PRKD1: variants seen among roughly 807,000 people sequenced by gnomAD.
PRKD1 encodes protein kinase D1.
Under a neutral mutation model 95.9 loss-of-function variants are expected in PRKD1, and 63 were observed. The observed-to-expected ratio is 0.66, with a 90% confidence interval of 0.54 to 0.81. The LOEUF is 0.81. PRKD1 is among the 30% of genes least tolerant of loss of function. The probability of loss-of-function intolerance (pLI) is 0.00; values close to 1 mark genes in which losing one functional copy is unlikely to be tolerated. For synonymous variants in PRKD1, 425 were observed against 423.1 expected, an observed-to-expected ratio of 1.00 and a Z score of -0.05; for missense variants, 1,048 against 1,165.3, an observed-to-expected ratio of 0.90 and a Z score of 1.47.
At chr14:29,810,002 T>TTG in intron 1 of PRKD1, among the ~76,000 whole-genome samples, 1 of 152,292 alleles carries the variant, frequency 6.6e-6, no homozygotes, top group South Asian at 2.1e-4. Context: ...AATTTCAATA[T>TTG]TGTTTATCAG....
At chr14:29,761,231 T>G (rs572675758) in intron 1 of PRKD1, among the ~76,000 whole-genome samples, 6 of 152,254 alleles carry the variant, frequency 3.9e-5, no homozygotes, top group Non-Finnish European at 8.8e-5. Context: ...GTTTAAATTT[T>G]GAACATTAGC....
At chr14:29,871,816 T>C (rs1019997276) in intron 1 of PRKD1, among the ~76,000 whole-genome samples, 40 of 152,294 alleles carry the variant, frequency 2.6e-4, no homozygotes, top group African/African-American at 9.1e-4. Context: ...TCACGTGTAT[T>C]AACCTACTTT....
chr14:29,857,254 G>A (rs1566639448), intron 1 of PRKD1, among the ~76,000 whole-genome samples: 1 of 152,118 alleles, frequency 6.6e-6, no homozygotes, highest in Non-Finnish European at 1.5e-5. Context: ...GCCAGAATAT[G>A]GGCCTCAGGA....
chr14:29,845,430 T>A, intron 1 of PRKD1, among the ~76,000 whole-genome samples: 1 of 152,166 alleles, frequency 6.6e-6, no homozygotes, highest in East Asian at 1.9e-4. Context: ...TTATAAAACA[T>A]ACTTTTAAAA....
chr14:29,817,196 G>A (rs1434980541), intron 1 of PRKD1, among the ~76,000 whole-genome samples: 2 of 152,098 alleles, frequency 1.3e-5, no homozygotes, highest in Non-Finnish European at 2.9e-5. Context: ...ACTACAGTGG[G>A]CTTCTGCCAA....
intron 4 of PRKD1, among the ~76,000 whole-genome samples, chr14:29,644,783 C>G (rs1881019896): frequency 6.6e-6 from 1 of 151,356 alleles, no homozygotes; most frequent in Non-Finnish European, 1.5e-5. Context: ...TATAAATAAA[C>G]TATACATTTT....
chr14:29,748,304 CTAAA>C (rs1411213099), intron 1 of PRKD1, among the ~76,000 whole-genome samples: 2 of 152,098 alleles, frequency 1.3e-5, no homozygotes, highest in South Asian at 4.1e-4. Context: ...ATATAAATAG[CTAAA>C]TAAATAAATT....
intron 13 of PRKD1, among the ~76,000 whole-genome samples, chr14:29,600,384 C>T (rs1174686916): frequency 1.3e-5 from 2 of 152,132 alleles, no homozygotes; most frequent in Non-Finnish European, 2.9e-5. Flanking sequence ...GCTTTGTCTA[C>T]AATACCATCC....
rs1030641899 is a variant in PRKD1 at position 29,576,839 on chromosome 14, G to C, written c.*399C>G. On this transcript the variant is annotated 3_prime_UTR_variant, in exon 18 of 18. Transcript: ENST00000331968. ...ACACTGGAAATAATCGACTCTTCAAGAGTTTGTTTACAATGACAACACCAA... is the reference window on the plus strand; with the variant it reads ...ACACTGGAAATAATCGACTCTTCAACAGTTTGTTTACAATGACAACACCAA... 8.9e-6 allele frequency: 2 copies of C among 223,830 alleles called. No homozygotes were observed. Among genetic ancestry groups the C allele is most frequent in the African/African-American group, 2.2e-5 (1 of 44,712 alleles). 13.9% of individuals were successfully genotyped at this position (223,830 alleles called of 1,614,324 possible).
At chr14:29,909,275 C>T (rs1391757083) in intron 1 of PRKD1, among the ~76,000 whole-genome samples, 10 of 143,672 alleles carry the variant, frequency 7.0e-5, no homozygotes, top group Non-Finnish European at 1.1e-4. Flanking sequence ...GCCCGAGCCT[C>T]CCCCCTACCC....
chr14:29,643,753 GGTTT>G (rs1254453781), intron 4 of PRKD1, among the ~76,000 whole-genome samples: 1 of 152,098 alleles, frequency 6.6e-6, no homozygotes, highest in Non-Finnish European at 1.5e-5. Flanking sequence ...CTTTACTTGT[GGTTT>G]GTTTATTGTC....
intron 1 of PRKD1, among the ~76,000 whole-genome samples, chr14:29,761,643 C>T (rs940613329): frequency 6.6e-6 from 1 of 152,140 alleles, no homozygotes; most frequent in African/African-American, 2.4e-5. Context: ...ACTTATGTTA[C>T]TCAGTGGTCT....
rs1555348496 is a variant in PRKD1 at position 29,826,700 on chromosome 14, C to CAT, written c.264+100547_264+100548dup. On this transcript the variant is annotated intron_variant, in intron 1 of 17. Coordinates refer to ENST00000331968, the MANE Select transcript of PRKD1 (RefSeq NM_002742.3). ...ATATATATATACACACATATATATA[C>CAT]ATATATACACATATATATATACATA... is the stretch of plus-strand genomic sequence containing the variant. Among the ~76,000 whole-genome samples the CAT allele has an allele frequency of 3.1e-3, 90 of 28,718 alleles. 2 individuals are homozygous for CAT. The highest frequency in any genetic ancestry group is 4.1e-3 in the African/African-American group (37 of 9,100). The allele number at this position is 28,718 out of a possible 152,430, so 18.8% of individuals were successfully genotyped here.
intron 16 of PRKD1, among the ~76,000 whole-genome samples, chr14:29,579,803 T>C (rs991123362): frequency 6.6e-6 from 1 of 152,194 alleles, no homozygotes; most frequent in Non-Finnish European, 1.5e-5. Context: ...ATGTTGCCTA[T>C]GCCTATACAC....
At chr14:29,894,590 A>C (rs1894054487) in intron 1 of PRKD1, among the ~76,000 whole-genome samples, 1 of 152,260 alleles carries the variant, frequency 6.6e-6, no homozygotes, top group Non-Finnish European at 1.5e-5. Flanking sequence ...AGAATGGATG[A>C]GGAGACTTGT....
At chr14:29,779,433 G>C (rs2139163410) in intron 1 of PRKD1, among the ~76,000 whole-genome samples, 1 of 152,288 alleles carries the variant, frequency 6.6e-6, no homozygotes, top group South Asian at 2.1e-4. Flanking sequence ...AGCAACTTCA[G>C]CAAAGTCTCA....
chr14:29,782,575 A>G (rs1889095016), intron 1 of PRKD1, among the ~76,000 whole-genome samples: 1 of 152,214 alleles, frequency 6.6e-6, no homozygotes, highest in African/African-American at 2.4e-5. Flanking sequence ...TCTGTTGCCC[A>G]GGCTAGATGC....
At chr14:29,589,410 GAGA>G (rs2138981394) in intron 16 of PRKD1, among the ~76,000 whole-genome samples, 1 of 152,264 alleles carries the variant, frequency 6.6e-6, no homozygotes, top group East Asian at 1.9e-4. Context: ...GTCAGCTGTA[GAGA>G]AGAATCATTT....
chr14:29,917,931 G>T (rs921402128), intron 1 of PRKD1, among the ~76,000 whole-genome samples: 5 of 152,178 alleles, frequency 3.3e-5, no homozygotes, highest in African/African-American at 4.8e-5. Flanking sequence ...GTAAAAAATA[G>T]ATTTTTTTAA....
Sources: gnomAD v4.1 joint callset for allele counts (sites outside exome capture counted in the v4.1 genomes callset) on GRCh38, gnomAD v4.1.1 for gene constraint, MANE v1.5 for transcripts, NCBI Gene and HGNC (gene_info 2026-07-23, HGNC 2026-07-21) for gene names.